Variants in DOK2 observed in about 807,000 individuals in gnomAD.
The protein encoded by DOK2 is docking protein 2, also known as docking protein 2, 56kD.
Under a neutral mutation model 26.0 loss-of-function variants are expected in DOK2, and 28 were observed. The observed-to-expected ratio is 1.08, with a 90% CI of 0.80 to 1.48. The LOEUF (loss-of-function observed/expected upper bound fraction) is 1.48, where lower values mean the gene tolerates loss of function less well. DOK2 is among the 40% of genes most tolerant of loss of function. The pLI is 0.00. For synonymous variants in DOK2, 282 were observed against 236.9 expected (o/e 1.19, Z -1.75); for missense variants, 682 against 558.2 (o/e 1.22, Z -2.23).
rs1809868593 is a variant in DOK2 at position 21,911,980 on chromosome 8, C to A, written c.354G>T (p.Arg118Ser). Residue 118 changes from arginine to serine, a missense_variant, in exon 3 of 5, where the codon AGG becomes AGT. Coordinates refer to ENST00000276420, the MANE Select transcript of DOK2 (RefSeq NM_003974.4). The stretch of plus-strand genomic sequence containing the variant: ...TTCCCTCTGGCCCCGAGAGCTCCTT[C>A]CTCTGCCCCTAGGGAGGAGGCGCCC... ...AICLLAFPGQRKELSGPEGKQ... is the reference protein window; with the variant it reads ...AICLLAFPGQSKELSGPEGKQ... 1 of 1,552,162 alleles carries A rather than the reference C, an allele frequency of 6.4e-7. No homozygotes were observed. Among genetic ancestry groups the A allele is most frequent in the Non-Finnish European group, 8.7e-7 (1 of 1,148,362 alleles).
At chr8:21,913,335 C>G (rs1809929444) in intron 1 of DOK2, among the ~76,000 whole-genome samples, 1 of 152,198 alleles carries the variant, frequency 6.6e-6, no homozygotes, top group Admixed American at 6.5e-5. Context: ...CAGTAAGGAG[C>G]ACAGTTTGGG....
In DOK2 at chr8:21,909,237, T is replaced by C; in HGVS notation, c.*74A>G. On this transcript the variant is annotated 3_prime_UTR_variant, in exon 5 of 5. Coordinates refer to ENST00000276420, the MANE Select transcript of DOK2 (RefSeq NM_003974.4). ...GGGCTCCAGAAGGGGCAGAGGAGGT[T>C]CTTCTGATGCAGTGGCCAGGAGGAG... 1 of 1,492,842 alleles carries C rather than the reference T, an allele frequency of 6.7e-7. No individual in the cohort carries two copies. Among genetic ancestry groups the C allele is most frequent in the Non-Finnish European group, 9.0e-7 (1 of 1,116,584 alleles). 92.5% of individuals were successfully genotyped at this position (1,492,842 alleles called of 1,614,324 possible).
At chr8:21,909,955 A>G in intron 4 of DOK2, 24 bp from the exon 5 acceptor site, 2 of 1,589,348 alleles carry the variant, frequency 1.3e-6, no homozygotes, top group Non-Finnish European at 1.7e-6. Flanking sequence ...AAAGCAGGTT[A>G]TTGGCCAGGC....
intron 3 of DOK2, chr8:21,911,148 G>A: frequency 2.4e-6 from 1 of 420,128 alleles, no homozygotes; most frequent in East Asian, 4.5e-5. Flanking sequence ...CCACAGTCTT[G>A]TCTTCCCCAC....
intron 2 of DOK2, 63 bp downstream of exon 2, chr8:21,912,166 G>A: frequency 3.4e-6 from 5 of 1,484,076 alleles, no homozygotes; most frequent in Non-Finnish European, 4.5e-6. Flanking sequence ...CTTGCCCACA[G>A]GAAGTATCTA....
At chr8:21,912,839 G>T (rs1168889163) in intron 1 of DOK2, among the ~76,000 whole-genome samples, 4 of 152,236 alleles carry the variant, frequency 2.6e-5, no homozygotes, top group Non-Finnish European at 5.9e-5. Flanking sequence ...CTCCAGTCTG[G>T]GGAGGAAAGC....
Position 21,909,341 on chromosome 8 carries a change from G to A in DOK2, c.1209C>T (p.Asp403=). 3 of 1,559,242 alleles carry A rather than the reference G, an allele frequency of 1.9e-6. No homozygotes were observed. The highest frequency in any genetic ancestry group is 3.7e-5 in the Admixed American group (2 of 53,728). Residue 403 remains aspartate (D), a synonymous_variant, in exon 5 of 5, where the codon GAC becomes GAT. Coordinates refer to ENST00000276420, the MANE Select transcript of DOK2 (RefSeq NM_003974.4). ...TTGGGCCTTTCTTTAGTACAACATT[G>A]TCATACTCAGTTCCTGGCTGCCAGC... ...ASGWQPGTEY[D]NVVLKKGPK
rs1809865380 is a variant in DOK2, at chr8:21,911,942, G to A, written c.392C>T (p.Pro131Leu). 1.3e-6 allele frequency: 2 copies of A among 1,562,620 alleles called. No homozygotes were observed. The highest frequency in any genetic ancestry group is 1.9e-5 in the Admixed American group (1 of 52,196). The change falls in exon 3 of 5, where the codon CCC (proline) becomes CTC (leucine). Residue 131 changes from proline to leucine, a missense_variant. Pro to Leu is a moderately conservative substitution (Grantham distance 98). Coordinates refer to ENST00000276420, the MANE Select transcript of DOK2 (RefSeq NM_003974.4). Reference sequence around the variant, plus strand: ...GTACAATTCATTTTCCTCCATGCAGGGCCGGCTCTGCTTTCCCTCTGGCCC... The same window carrying A: ...GTACAATTCATTTTCCTCCATGCAGAGCCGGCTCTGCTTTCCCTCTGGCCC... Reference protein sequence around the residue: ...LSGPEGKQSRPCMEENELYSS... With the variant: ...LSGPEGKQSRLCMEENELYSS...
Position 21,909,471 on chromosome 8 carries a change from G to A in DOK2, c.1079C>T (p.Pro360Leu), listed in dbSNP as rs754858807. The A allele has an allele frequency of 1.4e-5, 23 of 1,613,504 alleles. No individual in the cohort carries two copies. In the African/African-American group the frequency reaches 1.7e-4, roughly 12 times the overall value. ...CCATGCCTCACCCCGGGGCTCCTGC[G>A]GGCTGTCATAGAGGGACAGGGCAGC... ...GVAALSLYDS[P>L]QEPRGEAWRR... Residue 360 changes from proline to leucine, a missense_variant, in exon 5 of 5, where the codon CCG becomes CTG. By Grantham distance (98) the Pro-to-Leu change is moderately conservative. Transcript: ENST00000276420.
chr8:21,911,464 C>T (rs1809842122), intron 3 of DOK2, among the ~76,000 whole-genome samples: 1 of 152,132 alleles, frequency 6.6e-6, no homozygotes, highest in South Asian at 2.1e-4. Flanking sequence ...AAAAATTAGC[C>T]AGGCGTGGTG....
At chr8:21,913,403 G>A in intron 1 of DOK2, 136 bp downstream of exon 1, 20 of 1,037,450 alleles carry the variant, frequency 1.9e-5, no homozygotes, top group Non-Finnish European at 2.5e-5. Flanking sequence ...CCCTCCCAAA[G>A]TTGAGCTCTG....
At position 21,912,300 on chromosome 8, in the gene DOK2, G is replaced by C; in HGVS notation, c.274C>G (p.Leu92Val). 1 of 1,599,866 alleles carries C rather than the reference G, an allele frequency of 6.3e-7. No individual in the cohort carries two copies. The highest frequency in any genetic ancestry group is 8.5e-7 in the Non-Finnish European group (1 of 1,175,230). ...SAFFLETKER[L>V]YLLAAPAAER... ...GCTGCAGGGGCCGCCAGGAGGTACA[G>C]GCGCTCCTTGGTCTCCAGGAAGAAG... is the stretch of plus-strand genomic sequence containing the variant. Residue 92 changes from leucine to valine, a missense_variant, in exon 2 of 5, where the codon CTG (leucine) becomes GTG (valine). Transcript: ENST00000276420.
chr8:21,912,124 A>G, intron 2 of DOK2, 105 bp downstream of exon 2: 1 of 1,465,136 alleles, frequency 6.8e-7, no homozygotes, highest in Non-Finnish European at 9.0e-7. Context: ...TGGAGGAAGC[A>G]CCCCATCACC....
rs372882463 is a variant in DOK2 at position 21,912,422 on chromosome 8, C to T, written c.152G>A (p.Arg51His). ...GACCTTCCGGGCAGCCTCACACCGACGAGGCTTCTCCGGGCCCTCCTGCAG... is the reference window on the plus strand; with the variant it reads ...GACCTTCCGGGCAGCCTCACACCGATGAGGCTTCTCCGGGCCCTCCTGCAG... ...LELQEGPEKP[R>H]RCEAARKVIR... The change falls in exon 2 of 5, where the codon CGT becomes CAT. Residue 51 changes from arginine to histidine, a missense_variant. Coordinates refer to ENST00000276420, the MANE Select transcript of DOK2 (RefSeq NM_003974.4). 5 of 1,581,804 alleles carry T rather than the reference C, an allele frequency of 3.2e-6. No homozygotes were observed. Among genetic ancestry groups the T allele is most frequent in the Non-Finnish European group, 3.4e-6 (4 of 1,165,892 alleles).
In DOK2 at chr8:21,909,524, G is replaced by A; in HGVS notation, c.1026C>T (p.Asp342=). The A allele has an allele frequency of 6.2e-7, 1 of 1,614,182 alleles. No homozygotes were observed. Among genetic ancestry groups the A allele is most frequent in the Non-Finnish European group, 8.5e-7 (1 of 1,180,032 alleles). ...CTCCCTCGGGCTCATCGTATATGTG[G>A]TCAGGTCGAGGGGGCAGGGTCTCCT... is the stretch of plus-strand genomic sequence containing the variant. ...SIEETLPPRP[D]HIYDEPEGVA... Residue 342 remains aspartate (D), a synonymous_variant, in exon 5 of 5, where the codon GAC becomes GAT. Transcript: ENST00000276420.
In DOK2 at chr8:21,909,645, G is replaced by A. The variant is rs1277719985; in HGVS notation, c.905C>T (p.Pro302Leu). 2 of 1,613,082 alleles carry A rather than the reference G, an allele frequency of 1.2e-6. No individual in the cohort carries two copies. Among genetic ancestry groups the A allele is most frequent in the Admixed American group, 3.3e-5 (2 of 60,012 alleles). ...PRGQEGEYAV[P>L]FDAVARSLGK... The stretch of plus-strand genomic sequence containing the variant: ...CAAGGAACGGGCCACCGCATCGAAG[G>A]GCACGGCATACTCCCCCTCCTGGCC... Residue 302 changes from proline to leucine, a missense_variant, in exon 5 of 5, where the codon CCC (proline) becomes CTC (leucine). By Grantham distance (98) the Pro-to-Leu change is moderately conservative (BLOSUM62 -3). Coordinates refer to ENST00000276420, the MANE Select transcript of DOK2 (RefSeq NM_003974.4).
intron 2 of DOK2, 43 bp downstream of exon 2, chr8:21,912,186 G>GCCTGCACGCCCCCTTGC: frequency 3.3e-6 from 5 of 1,505,700 alleles, no homozygotes; most frequent in Non-Finnish European, 4.4e-6. Flanking sequence ...AACACCCTCG[G>GCCTGCACGCCCCCTTGC]CCTGCACGCC....
At position 21,909,757 on chromosome 8, in the gene DOK2, G is replaced by A. The variant is rs1218154387; in HGVS notation, c.793C>T (p.Pro265Ser). ...PQPATIPASL[P>S]RPDSPYSRPH... ...CGAGAGTAGGGGCTATCAGGCCGGG[G>A]CAGCGACGCGGGGATTGTGGCTGGC... The change falls in exon 5 of 5, where the codon CCC becomes TCC. Residue 265 changes from proline to serine, a missense_variant. Physicochemically the swap from Pro to Ser is moderately conservative, Grantham distance 74. Transcript: ENST00000276420. 3.1e-6 allele frequency: 5 copies of A among 1,613,710 alleles called. No homozygotes were observed. The East Asian group carries it at 6.7e-5, about 22-fold the overall frequency.
At chr8:21,912,619 T>A (rs538174636) in intron 1 of DOK2, 109 bp from the exon 2 acceptor site, 1 of 1,083,842 alleles carries the variant, frequency 9.2e-7, no homozygotes, top group Non-Finnish European at 1.3e-6. Context: ...GGGCAGCCAC[T>A]TGGAGATGGG....
Sources: gnomAD v4.1 joint callset for allele counts (sites outside exome capture counted in the v4.1 genomes callset) on GRCh38, gnomAD v4.1.1 for gene constraint, MANE v1.5 for transcripts, NCBI Gene and HGNC (gene_info 2026-07-23, HGNC 2026-07-21) for gene names.